Variants in DYM observed in about 807,000 individuals in gnomAD.
The protein encoded by DYM is dyggve-Melchior-Clausen syndrome protein.
In DYM, 78 loss-of-function variants were observed where a neutral mutation model predicts 93.1. The ratio of observed to expected loss-of-function variants is 0.84; its 90% CI spans 0.70 to 1.01. DYM has a LOEUF of 1.01. Among genes scored for constraint, DYM ranks in the 50% least tolerant of loss-of-function variants. The pLI is 0.00. For synonymous variants in DYM, 321 were observed against 319.7 expected, an observed-to-expected ratio of 1.00 and a Z score of -0.04; for missense variants, 789 against 845.0, an observed-to-expected ratio of 0.93 and a Z score of 0.82.
chr18:49,191,596 A>G (rs1708735873), intron 14 of DYM, among the ~76,000 whole-genome samples: 1 of 152,218 alleles, frequency 6.6e-6, no homozygotes, highest in Non-Finnish European at 1.5e-5. Context: ...AATTTAAATG[A>G]CCAAGAAAAA....
intron 15 of DYM, among the ~76,000 whole-genome samples, chr18:49,154,973 G>C (rs2144826924): frequency 6.6e-6 from 1 of 152,110 alleles, no homozygotes; most frequent in Non-Finnish European, 1.5e-5. Flanking sequence ...TTTTCTTACT[G>C]GTTTATATAT....
chr18:49,452,648 G>A (rs1456542715), intron 1 of DYM, among the ~76,000 whole-genome samples: 1 of 137,824 alleles, frequency 7.3e-6, no homozygotes, highest in Admixed American at 7.0e-5. Flanking sequence ...AGTCACTGCC[G>A]TGGGCTCCTG....
rs541545295 is a variant in DYM at position 49,212,879 on chromosome 18, C to T, written c.1461-3164G>A. Among the ~76,000 whole-genome samples the T allele has an allele frequency of 5.9e-5, 9 of 152,090 alleles. No homozygotes were observed. In the South Asian group the frequency reaches 1.9e-3, roughly 32 times the overall value. On this transcript the variant is annotated intron_variant, in intron 13 of 17. Transcript: ENST00000675505. ...ATATCCATTTTAAGATTATGAGATTCAAACCTAGAGCCCTAAAATGTCATT... is the reference window on the plus strand; with the variant it reads ...ATATCCATTTTAAGATTATGAGATTTAAACCTAGAGCCCTAAAATGTCATT...
At chr18:49,384,108 G>A (rs745320208) in intron 3 of DYM, among the ~76,000 whole-genome samples, 1 of 151,972 alleles carries the variant, frequency 6.6e-6, no homozygotes, top group Non-Finnish European at 1.5e-5. Context: ...AGAATTGCTT[G>A]TGGCCAGAAG....
intron 16 of DYM, among the ~76,000 whole-genome samples, chr18:49,097,747 C>T (rs1428285738): frequency 6.6e-6 from 1 of 152,132 alleles, no homozygotes; most frequent in East Asian, 1.9e-4. Flanking sequence ...TAAGTAGCCT[C>T]CTGAATTCTA....
chr18:49,255,181 A>T (rs2145087447), intron 13 of DYM, among the ~76,000 whole-genome samples: 1 of 152,366 alleles, frequency 6.6e-6, no homozygotes, highest in East Asian at 1.9e-4. Flanking sequence ...TAACCAATGA[A>T]GAGAATGTGA....
intron 17 of DYM, among the ~76,000 whole-genome samples, chr18:49,058,108 C>T (rs2075655351): frequency 6.6e-6 from 1 of 152,192 alleles, no homozygotes; most frequent in South Asian, 2.1e-4. Context: ...GAACAAGGTT[C>T]AAAGCCAAAG....
At chr18:49,246,908 GAA>G (rs1345341170) in intron 13 of DYM, among the ~76,000 whole-genome samples, 1 of 152,230 alleles carries the variant, frequency 6.6e-6, no homozygotes, top group Admixed American at 6.5e-5. Context: ...AATGGCAACA[GAA>G]ATTCATAACT....
chr18:49,418,188 C>T (rs762898587), intron 2 of DYM: 1 of 151,974 alleles, frequency 6.6e-6, no homozygotes, highest in Non-Finnish European at 1.5e-5. Context: ...GTCATCTGGT[C>T]CAGCAGTTCT....
chr18:49,280,501 G>C (rs949164600), intron 10 of DYM, among the ~76,000 whole-genome samples: 1 of 152,152 alleles, frequency 6.6e-6, no homozygotes, highest in African/African-American at 2.4e-5. Context: ...AGATGGCAGC[G>C]ACCGAGATGA....
At position 49,206,003 on chromosome 18, in the gene DYM, G is replaced by GTTTTTTTTTTTTTTTTTTTTTTTTTT. The variant is rs72500406; in HGVS notation, c.1625+3547_1625+3548insAAAAAAAAAAAAAAAAAAAAAAAAAA. The GTTTTTTTTTTTTTTTTTTTTTTTTTT allele has an allele frequency of 2.6e-4, 37 of 142,770 alleles. 1 individual carries two copies. The highest frequency in any genetic ancestry group is 3.7e-4 in the Non-Finnish European group (26 of 70,462). 8.8% of individuals were successfully genotyped at this position (142,770 alleles called of 1,614,324 possible). On this transcript the variant is annotated intron_variant, in intron 14 of 17. Transcript: ENST00000675505. ...TTGACTAAGGTAGAGTTTTTTTTTT[G>GTTTTTTTTTTTTTTTTTTTTTTTTTT]TTTTTTTGTTTTTTGCGGAGTCTTG...
At chr18:49,054,855 G>A (rs1364165181) in intron 17 of DYM, among the ~76,000 whole-genome samples, 1 of 152,208 alleles carries the variant, frequency 6.6e-6, no homozygotes, top group African/African-American at 2.4e-5. Context: ...AGGGCGAAAA[G>A]ACTCTTCGGG....
intron 8 of DYM, among the ~76,000 whole-genome samples, chr18:49,328,769 A>G (rs973604547): frequency 1.4e-4 from 21 of 152,206 alleles, no homozygotes; most frequent in Non-Finnish European, 2.4e-4. Context: ...CAATCATTGA[A>G]AAGTCAGGAA....
chr18:49,089,553 G>A (rs979066787), intron 17 of DYM, among the ~76,000 whole-genome samples: 2 of 152,206 alleles, frequency 1.3e-5, no homozygotes, highest in Non-Finnish European at 2.9e-5. Context: ...CTTAGTTTTT[G>A]TGAGGGCAGG....
At chr18:49,281,796 C>T (rs1353323834) in intron 10 of DYM, among the ~76,000 whole-genome samples, 2 of 152,018 alleles carry the variant, frequency 1.3e-5, no homozygotes, top group Admixed American at 1.3e-4. Context: ...CACACTGGGG[C>T]CTGTTGTGGA....
At chr18:49,359,206 G>A (rs1456049121) in intron 6 of DYM, among the ~76,000 whole-genome samples, 1 of 152,028 alleles carries the variant, frequency 6.6e-6, no homozygotes, top group Admixed American at 6.6e-5. Flanking sequence ...ACACAGGGAA[G>A]GTATAAAAAT....
intron 1 of DYM, among the ~76,000 whole-genome samples, chr18:49,451,733 G>A (rs186737356): frequency 1.2e-4 from 18 of 152,256 alleles, no homozygotes; most frequent in South Asian, 1.0e-3. Context: ...CAAACAACAC[G>A]GTCCTATCAT....
At chr18:49,391,874 G>A (rs2069298501) in intron 2 of DYM, among the ~76,000 whole-genome samples, 1 of 152,140 alleles carries the variant, frequency 6.6e-6, no homozygotes, top group Non-Finnish European at 1.5e-5. Context: ...AGAGCTTGGG[G>A]CACCCTGCCT....
intron 17 of DYM, among the ~76,000 whole-genome samples, chr18:49,070,718 C>T (rs904638281): frequency 6.6e-6 from 1 of 152,178 alleles, no homozygotes; most frequent in Non-Finnish European, 1.5e-5. Context: ...GCTGTGCAGG[C>T]AGGAGTTGCT....
Sources: allele counts gnomAD v4.1 joint callset (sites outside exome capture counted in the v4.1 genomes callset), GRCh38; gene constraint gnomAD v4.1.1; transcripts MANE v1.5; gene names NCBI Gene and HGNC (gene_info 2026-07-23, HGNC 2026-07-21).